Variants in CSMD3 observed in about 807,000 individuals in gnomAD.
CSMD3 encodes CUB and Sushi multiple domains 3, also known as CUB and sushi domain-containing protein 3.
CSMD3 carries 177 observed loss-of-function variants against 435.2 expected under a neutral mutation model. That is an observed-to-expected ratio of 0.41 (90% confidence interval 0.36 to 0.46). The LOEUF (loss-of-function observed/expected upper bound fraction) is 0.46, where lower values mean the gene tolerates loss of function less well. Ranked by LOEUF, CSMD3 falls within the 20% of genes least tolerant of loss-of-function variation. The probability of loss-of-function intolerance (pLI) is 0.34; values close to 1 mark genes in which losing one functional copy is unlikely to be tolerated. For synonymous variants in CSMD3, 1,656 were observed against 1,520.5 expected (o/e 1.09, Z -2.07); for missense variants, 4,265 against 4,504.6 (o/e 0.95, Z 1.52).
At chr8:112,854,081 C>A (rs573951539) in intron 11 of CSMD3, among the ~76,000 whole-genome samples, 1 of 152,306 alleles carries the variant, frequency 6.6e-6, no homozygotes, top group Admixed American at 6.5e-5. Context: ...TGGTATCTGT[C>A]TACATAGTTA....
At chr8:112,923,039 C>G (rs1028730844) in intron 9 of CSMD3, among the ~76,000 whole-genome samples, 1 of 152,124 alleles carries the variant, frequency 6.6e-6, no homozygotes, top group Non-Finnish European at 1.5e-5. Context: ...ATTTCACAAG[C>G]ACTCCATCAG....
chr8:112,557,085 T>A lies in CSMD3; in HGVS notation c.4043-131A>T, dbSNP rs947118855. 7 of 632,610 alleles carry A rather than the reference T, an allele frequency of 1.1e-5. No homozygotes were observed. In the African/African-American group the frequency reaches 1.3e-4, roughly 12 times the overall value. 39.2% of individuals were successfully genotyped at this position (632,610 alleles called of 1,614,324 possible). On this transcript the variant is annotated intron_variant, in intron 24 of 70. Coordinates refer to ENST00000297405, the MANE Select transcript of CSMD3 (RefSeq NM_198123.2). ...CTTAGTCATATTGCCCTTACCATAT[T>A]TAATTTTCGTATCATACAACAACCA...
At chr8:113,240,331 T>C (rs2093200132) in intron 3 of CSMD3, among the ~76,000 whole-genome samples, 1 of 152,190 alleles carries the variant, frequency 6.6e-6, no homozygotes, top group African/African-American at 2.4e-5. Context: ...TGTGCATGTA[T>C]CTTTATAATA....
intron 27 of CSMD3, among the ~76,000 whole-genome samples, chr8:112,525,491 C>A (rs560914017): frequency 6.7e-6 from 1 of 149,786 alleles, no homozygotes. Context: ...TGGACCGAGG[C>A]GGGCGGATCA....
At position 112,255,761 on chromosome 8, in the gene CSMD3, C is replaced by T. The variant is rs1815728543; in HGVS notation, c.9863-334G>A. The T allele has an allele frequency of 2.0e-5, 6 of 305,374 alleles. No individual in the cohort carries two copies. In the Admixed American group the frequency reaches 2.9e-4, roughly 15 times the overall value. The allele number at this position is 305,374 out of a possible 1,614,324, so 18.9% of individuals were successfully genotyped here. A position where few individuals can be genotyped will look rare whatever the true frequency, so the allele number is the denominator to read the frequency against. On this transcript the variant is annotated intron_variant, in intron 61 of 70. Transcript: ENST00000297405. ...TGTTGGCTGCCAAGGTGGAGTATAG[C>T]CTTGAAAAAGTAGGTGACTCATAGG...
chr8:113,002,163 A>C (rs2085888281), intron 6 of CSMD3, among the ~76,000 whole-genome samples: 1 of 152,084 alleles, frequency 6.6e-6, no homozygotes, highest in Non-Finnish European at 1.5e-5. Context: ...CAATGTGCAA[A>C]TTTCCTCGTC....
In CSMD3 at chr8:112,341,695, G is replaced by T. The variant is rs1825131633; in HGVS notation, c.6443-9C>A. 6.6e-7 allele frequency: 1 copy of T among 1,522,642 alleles called. No homozygotes were observed. The highest frequency in any genetic ancestry group is 9.1e-7 in the Non-Finnish European group (1 of 1,097,924). 94.3% of individuals were successfully genotyped at this position (1,522,642 alleles called of 1,614,324 possible). On this transcript the variant is annotated splice_polypyrimidine_tract_variant and intron_variant, in intron 41 of 70. Transcript: ENST00000297405. ...AAACTGGAGATGTACACCTGAAGAA[G>T]AAAACAAACAGAATGCTACTTTATT...
At position 112,588,117 on chromosome 8, in the gene CSMD3, C is replaced by G. The variant is rs139279616; in HGVS notation, c.3716-882G>C. Among the ~76,000 whole-genome samples the G allele has an allele frequency of 3.4e-3, 521 of 151,326 alleles. 4 individuals carry two copies. The highest frequency in any genetic ancestry group is 0.012 in the African/African-American group (506 of 41,292). ...GTTTTCTATCTTATCTAATAAATTA[C>G]TTCATATTACCAAACCATAGGGCAG... On this transcript the variant is annotated intron_variant, in intron 22 of 70. Transcript: ENST00000297405.
chr8:112,907,284 G>A lies in CSMD3; in HGVS notation c.1633+14343C>T, dbSNP rs183715962. Among the ~76,000 whole-genome samples, 385 of 151,534 alleles carry A rather than the reference G, an allele frequency of 2.5e-3. 1 individual carries two copies. Among genetic ancestry groups the A allele is most frequent in the African/African-American group, 8.7e-3 (359 of 41,440 alleles). ...ATTTTATAAGAGCCATAAACTTCAC[G>A]TGAACTTTTGAAAAGCTGAACTGAA... is the stretch of plus-strand genomic sequence containing the variant. On this transcript the variant is annotated intron_variant, in intron 10 of 70. Coordinates refer to ENST00000297405, the MANE Select transcript of CSMD3 (RefSeq NM_198123.2).
At chr8:113,413,348 AG>A (rs1307892244) in intron 1 of CSMD3, among the ~76,000 whole-genome samples, 1 of 152,154 alleles carries the variant, frequency 6.6e-6, no homozygotes, top group Non-Finnish European at 1.5e-5. Context: ...ACTTGAGAAA[AG>A]TCACTGGATC....
intron 22 of CSMD3, among the ~76,000 whole-genome samples, chr8:112,621,140 C>T (rs1404650952): frequency 6.6e-6 from 1 of 152,040 alleles, no homozygotes; most frequent in South Asian, 2.1e-4. Context: ...GAGACTGAGG[C>T]AGGAGAATCG....
chr8:112,743,265 A>C (rs952307479), intron 13 of CSMD3, among the ~76,000 whole-genome samples: 8 of 151,828 alleles, frequency 5.3e-5, no homozygotes, highest in Non-Finnish European at 1.0e-4. Flanking sequence ...ATTATAAATG[A>C]TATGGCAGTA....
At chr8:112,854,757 A>C (rs1262429966) in intron 11 of CSMD3, among the ~76,000 whole-genome samples, 1 of 152,152 alleles carries the variant, frequency 6.6e-6, no homozygotes. Context: ...TTTCAGAGTC[A>C]TTTCTGCCAA....
At chr8:113,225,574 ACTCTT>A (rs2093017441) in intron 3 of CSMD3, among the ~76,000 whole-genome samples, 2 of 151,430 alleles carry the variant, frequency 1.3e-5, no homozygotes, top group African/African-American at 4.8e-5. Context: ...AAAAAATTCT[ACTCTT>A]CTTTACTTAT....
chr8:113,412,872 A>C (rs1285956681), intron 1 of CSMD3, among the ~76,000 whole-genome samples: 1 of 152,094 alleles, frequency 6.6e-6, no homozygotes, highest in African/African-American at 2.4e-5. Flanking sequence ...AATCTGAAAC[A>C]AGACCTCCAT....
At chr8:112,882,259 A>G (rs1324431716) in intron 10 of CSMD3, among the ~76,000 whole-genome samples, 2 of 151,992 alleles carry the variant, frequency 1.3e-5, no homozygotes, top group Admixed American at 1.3e-4. Flanking sequence ...GCAACAAGAT[A>G]CAAGACCACA....
intron 13 of CSMD3, among the ~76,000 whole-genome samples, chr8:112,757,688 C>T (rs772039550): frequency 2.2e-4 from 34 of 152,058 alleles, no homozygotes; most frequent in Admixed American, 7.9e-4. Flanking sequence ...GAGGTGATCC[C>T]TACATACCAG....
intron 4 of CSMD3, among the ~76,000 whole-genome samples, chr8:113,154,996 G>A (rs1397957193): frequency 1.3e-5 from 2 of 151,948 alleles, no homozygotes; most frequent in Admixed American, 1.3e-4. Context: ...TAATAAACAA[G>A]CTACTTTGGG....
chr8:112,226,220 C>T (rs2129788710), intron 70 of CSMD3, among the ~76,000 whole-genome samples: 1 of 152,180 alleles, frequency 6.6e-6, no homozygotes, highest in South Asian at 2.1e-4. Flanking sequence ...TAATAACTTG[C>T]TCTTACTAAG....
Sources: gnomAD v4.1 joint callset for allele counts (sites outside exome capture counted in the v4.1 genomes callset) on GRCh38, gnomAD v4.1.1 for gene constraint, MANE v1.5 for transcripts, NCBI Gene and HGNC (gene_info 2026-07-23, HGNC 2026-07-21) for gene names.